ELF2: variants seen among roughly 807,000 people sequenced by gnomAD.
ELF2 encodes ETS-related transcription factor Elf-2.
Under a neutral mutation model 54.8 loss-of-function variants are expected in ELF2, and 11 were observed. The observed-to-expected ratio is 0.20, with a 90% CI of 0.13 to 0.33. ELF2 has a LOEUF of 0.33. Ranked by LOEUF, ELF2 falls within the 10% of genes least tolerant of loss-of-function variation. The pLI, the probability that ELF2 is intolerant of heterozygous loss-of-function variation, is 1.00. For missense variants in ELF2, 513 were observed against 703.0 expected (o/e 0.73, Z 3.06); for synonymous variants, 203 against 245.1 (o/e 0.83, Z 1.61).
At position 139,148,655 on chromosome 4, in the gene ELF2, C is replaced by CT. The variant is rs796233512; in HGVS notation, c.-251-9159dup. On this transcript the variant is annotated intron_variant, in intron 1 of 9. Coordinates refer to ENST00000686138, the MANE Select transcript of ELF2 (RefSeq NM_001331036.3). ...CCGATGCACATTTGAGATGTTTCTA[C>CT]TTTTTTTTTTTTACCATTGTGAATG... Among the ~76,000 whole-genome samples, 512 of 145,548 alleles carry CT rather than the reference C, an allele frequency of 3.5e-3. 1 individual carries two copies. Among genetic ancestry groups the CT allele is most frequent in the African/African-American group, 0.01 (404 of 40,076 alleles).
intron 5 of ELF2, among the ~76,000 whole-genome samples, 159 bp downstream of exon 5, chr4:139,073,295 C>T (rs1338659597): frequency 6.6e-6 from 1 of 151,976 alleles, no homozygotes. Flanking sequence ...GACTTGGAGG[C>T]CTTGACAAAT....
In ELF2 at chr4:139,082,961, C is replaced by A. The variant is rs143404504; in HGVS notation, c.239-9394G>T. Among the ~76,000 whole-genome samples, 170 of 152,346 alleles carry A rather than the reference C, an allele frequency of 1.1e-3. 2 individuals are homozygous for A. In the East Asian group the frequency reaches 0.03, roughly 27 times the overall value. On this transcript the variant is annotated intron_variant, in intron 4 of 9. Coordinates refer to ENST00000686138, the MANE Select transcript of ELF2 (RefSeq NM_001331036.3). ...TGGCGCCGCACATCCCCCACCCCTG[C>A]GGCCACTTCCGTGTTTACACTCCTC... is the stretch of plus-strand genomic sequence containing the variant.
chr4:139,120,588 G>A lies in ELF2; in HGVS notation c.238+4576C>T, dbSNP rs552619986. On this transcript the variant is annotated intron_variant, in intron 4 of 9. Coordinates refer to ENST00000686138, the MANE Select transcript of ELF2 (RefSeq NM_001331036.3). ...CAAGTAGCTAGGACTACAGGTGCAC[G>A]CCACCATACCCAGCTAATTTTTAAA... Among the ~76,000 whole-genome samples, 7 of 151,206 alleles carry A rather than the reference G, an allele frequency of 4.6e-5. No homozygotes were observed. In the South Asian group the frequency reaches 1.1e-3, roughly 23 times the overall value.
intron 1 of ELF2, among the ~76,000 whole-genome samples, chr4:139,157,405 A>T (rs1157681748): frequency 4.0e-5 from 6 of 151,866 alleles, no homozygotes; most frequent in African/African-American, 1.5e-4. Flanking sequence ...AATTCTGTAT[A>T]ATTTTTTTTT....
At chr4:139,084,438 G>GGGCGGCAGGGGCGGC in intron 4 of ELF2, 8 of 1,118,126 alleles carry the variant, frequency 7.2e-6, no homozygotes, top group Non-Finnish European at 8.8e-6. Flanking sequence ...GCAGGGGCAG[G>GGGCGGCAGGGGCGGC]GGCGGCGGCG....
chr4:139,060,287 A>T, intron 9 of ELF2, 37 bp downstream of exon 9: 4 of 1,495,242 alleles, frequency 2.7e-6, no homozygotes, highest in Non-Finnish European at 3.6e-6. Context: ...TTTTTTAAAA[A>T]GTAAATACAT....
chr4:139,060,723 C>T (rs1210001066), intron 8 of ELF2, 49 bp from the exon 9 acceptor site: 1 of 1,458,472 alleles, frequency 6.9e-7, no homozygotes, highest in South Asian at 1.3e-5. Flanking sequence ...ATTTCTTCAC[C>T]CCACTCCACC....
intron 4 of ELF2, among the ~76,000 whole-genome samples, chr4:139,113,854 CAA>C (rs34276246): frequency 1.4e-3 from 204 of 145,156 alleles, no homozygotes; most frequent in Middle Eastern, 3.5e-3. Context: ...GACCATGTCT[CAA>C]AAAAAAAAAA....
At chr4:139,156,352 T>G (rs1740535616) in intron 1 of ELF2, among the ~76,000 whole-genome samples, 1 of 152,118 alleles carries the variant, frequency 6.6e-6, no homozygotes, top group South Asian at 2.1e-4. Context: ...ATTTTGTTTT[T>G]GTATTTTTAG....
chr4:139,092,243 C>G (rs958753011), intron 4 of ELF2, among the ~76,000 whole-genome samples: 1 of 151,242 alleles, frequency 6.6e-6, no homozygotes, highest in African/African-American at 2.4e-5. Flanking sequence ...GCGACTTAAT[C>G]CCAGCTATTT....
chr4:139,134,594 T>TGTTATA (rs1737920150), intron 3 of ELF2, among the ~76,000 whole-genome samples: 9 of 136,814 alleles, frequency 6.6e-5, no homozygotes, highest in African/African-American at 2.4e-4. Context: ...ATTTATTTTA[T>TGTTATA]TTTATTTTAT....
chr4:139,123,897 A>T (rs1736642940), intron 4 of ELF2, among the ~76,000 whole-genome samples: 1 of 152,252 alleles, frequency 6.6e-6, no homozygotes, highest in South Asian at 2.1e-4. Context: ...TTCCTCAAGA[A>T]GAAAATTCAA....
chr4:139,059,084 C>T lies in ELF2; in HGVS notation c.1681G>A (p.Gly561Arg), dbSNP rs1727425161. 1 of 1,613,924 alleles carries T rather than the reference C, an allele frequency of 6.2e-7. No individual in the cohort carries two copies. The highest frequency in any genetic ancestry group is 1.1e-5 in the South Asian group (1 of 91,074). The stretch of plus-strand genomic sequence containing the variant: ...ACTACGTGGGTCACTGTCTTATTTC[C>T]ATCTGCTGGTTTTTCTTCTACTAGC... ...LQLVEEKPAD[G>R]NKTVTHVVVV... The change falls in exon 10 of 10, where the codon GGA (glycine) becomes AGA (arginine). Residue 561 changes from glycine (G) to arginine (R), a missense_variant. Gly to Arg is a moderately radical substitution (Grantham distance 125). This residue lies in a region of ELF2 where 291 missense variants were observed against 366.1 expected (regional missense o/e 0.79). Coordinates refer to ENST00000686138, the MANE Select transcript of ELF2 (RefSeq NM_001331036.3).
rs566624244 is a variant in ELF2, at chr4:139,092,084, G to A, written c.239-18517C>T. ...ATATTTAAAAATAATAAAATAGGCC[G>A]GGTGTGGTGGCTCACCCCTGTAATC... On this transcript the variant is annotated intron_variant, in intron 4 of 9. Transcript: ENST00000686138. Among the ~76,000 whole-genome samples, 34 of 151,552 alleles carry A rather than the reference G, an allele frequency of 2.2e-4. No individual in the cohort carries two copies. The South Asian group carries it at 6.1e-3, about 27-fold the overall frequency.
intron 1 of ELF2, among the ~76,000 whole-genome samples, chr4:139,169,346 TAAAA>T (rs61462829): frequency 3.9e-5 from 3 of 77,500 alleles, no homozygotes; most frequent in Non-Finnish European, 5.1e-5. Context: ...GGACTACATT[TAAAA>T]AAAAAAAAAA....
At chr4:139,127,463 A>AAT (rs1266776635) in intron 3 of ELF2, among the ~76,000 whole-genome samples, 1 of 152,212 alleles carries the variant, frequency 6.6e-6, no homozygotes, top group African/African-American at 2.4e-5. Flanking sequence ...TATCTATGAT[A>AAT]ATATTGCCCT....
At chr4:139,164,668 C>T (rs1242499526) in intron 1 of ELF2, among the ~76,000 whole-genome samples, 2 of 152,086 alleles carry the variant, frequency 1.3e-5, no homozygotes, top group Admixed American at 1.3e-4. Flanking sequence ...AATTTTGGTC[C>T]CCTGTGTTAG....
At chr4:139,060,700 A>G in intron 8 of ELF2, 26 bp from the exon 9 acceptor site, 1 of 1,542,718 alleles carries the variant, frequency 6.5e-7, no homozygotes, top group Non-Finnish European at 8.7e-7. Context: ...GTACCAAATG[A>G]ATCAAGTATA....
chr4:139,096,493 C>T (rs1327020729), intron 4 of ELF2, among the ~76,000 whole-genome samples: 1 of 152,112 alleles, frequency 6.6e-6, no homozygotes, highest in Non-Finnish European at 1.5e-5. Flanking sequence ...GAGACAGGCT[C>T]TCACTCTGCC....
Sources: allele counts gnomAD v4.1 joint callset (sites outside exome capture counted in the v4.1 genomes callset), GRCh38; gene constraint gnomAD v4.1.1; regional missense constraint gnomAD v4.1.1; transcripts MANE v1.5; gene names NCBI Gene and HGNC (gene_info 2026-07-23, HGNC 2026-07-21).